Variants in HYDIN observed in about 807,000 individuals in gnomAD.
HYDIN encodes HYDIN axonemal central pair apparatus protein, also known as axonemal central pair apparatus protein HYDIN.
HYDIN carries 132 observed loss-of-function variants against 403.9 expected under a neutral mutation model. The observed-to-expected ratio is 0.33, with a 90% confidence interval of 0.28 to 0.38. The LOEUF (loss-of-function observed/expected upper bound fraction) is 0.38, where lower values mean the gene tolerates loss of function less well. HYDIN is among the 10% of genes least tolerant of loss of function. The pLI is 1.00. For missense variants in HYDIN, 2,827 were observed against 5,009.5 expected (o/e 0.56, Z 13.15); for synonymous variants, 1,202 against 1,891.7 (o/e 0.64, Z 9.46).
At chr16:70,839,927 T>A in intron 76 of HYDIN, 137 bp downstream of exon 76, 2 of 571,688 alleles carry the variant, frequency 3.5e-6, no homozygotes, top group South Asian at 4.0e-5. Flanking sequence ...GGACCTAGGA[T>A]TCATACCCAC....
intron 18 of HYDIN, among the ~76,000 whole-genome samples, chr16:71,047,860 G>T (rs570631187): frequency 1.3e-5 from 2 of 151,902 alleles, no homozygotes; most frequent in Non-Finnish European, 2.9e-5. Flanking sequence ...CAACATTCAC[G>T]TTCTAGCTAT....
intron 8 of HYDIN, 30 bp downstream of exon 8, chr16:71,137,121 T>G (rs2084955327): frequency 1.5e-6 from 1 of 676,938 alleles, no homozygotes; most frequent in Non-Finnish European, 2.6e-6. Context: ...CCCTCCAAAT[T>G]ACTGCATATA....
chr16:70,896,116 G>C, intron 53 of HYDIN, 36 bp from the exon 54 acceptor site: 2 of 1,610,820 alleles, frequency 1.2e-6, no homozygotes, highest in Non-Finnish European at 1.7e-6. Flanking sequence ...GTAAAAGCAA[G>C]ACCTATAGGT....
chr16:70,971,605 C>T (rs1001515049), intron 35 of HYDIN, among the ~76,000 whole-genome samples: 10 of 152,040 alleles, frequency 6.6e-5, no homozygotes, highest in South Asian at 2.1e-4. Flanking sequence ...GAGGAAATTA[C>T]GCAAATCACA....
chr16:71,184,043 CAG>C (rs2087021685), intron 3 of HYDIN, among the ~76,000 whole-genome samples: 1 of 152,006 alleles, frequency 6.6e-6, no homozygotes, highest in African/African-American at 2.4e-5. Flanking sequence ...TTGTGGGAAA[CAG>C]ACAAAACAAT....
chr16:71,213,948 A>C (rs2088733478), intron 1 of HYDIN, among the ~76,000 whole-genome samples: 1 of 152,126 alleles, frequency 6.6e-6, no homozygotes, highest in Non-Finnish European at 1.5e-5. Context: ...CTAATGCTGG[A>C]AGACAAAAAA....
chr16:71,102,983 G>A (rs2083501637), intron 10 of HYDIN, among the ~76,000 whole-genome samples: 2 of 150,846 alleles, frequency 1.3e-5, no homozygotes, highest in African/African-American at 4.9e-5. Flanking sequence ...CATTATAGAG[G>A]TAATTTGAAT....
rs147829817 is a variant in HYDIN at position 71,085,783 on chromosome 16, T to C, written c.1670+2518A>G. On this transcript the variant is annotated intron_variant, in intron 12 of 85. Transcript: ENST00000393567. ...ATAACATAGACTCTCCAGCTTTCTT[T>C]TGGTACTGTTTGCATGGTGTATATA... is the stretch of plus-strand genomic sequence containing the variant. 2.3e-3 allele frequency among the ~76,000 whole-genome samples: 348 copies of C among 152,356 alleles called. 3 individuals are homozygous for C. The highest frequency in any genetic ancestry group is 7.8e-3 in the African/African-American group (323 of 41,588).
intron 84 of HYDIN, among the ~76,000 whole-genome samples, chr16:70,813,946 G>A: frequency 6.6e-6 from 1 of 152,230 alleles, no homozygotes; most frequent in African/African-American, 2.4e-5. Flanking sequence ...TGATATCATA[G>A]AAAAGCTAGA....
intron 55 of HYDIN, 58 bp downstream of exon 55, chr16:70,894,391 C>G: frequency 1.2e-5 from 19 of 1,609,076 alleles, no homozygotes; most frequent in Non-Finnish European, 1.5e-5. Context: ...CTCATATTTC[C>G]CCACATTCCT....
intron 23 of HYDIN, among the ~76,000 whole-genome samples, chr16:71,010,125 C>G (rs1177610633): frequency 2.2e-5 from 3 of 136,076 alleles, no homozygotes; most frequent in Non-Finnish European, 4.7e-5. Flanking sequence ...AGAAAGGGGG[C>G]TGAGGGGGCA....
rs776868016 is a variant in HYDIN at position 70,884,091 on chromosome 16, G to C, written c.9808C>G (p.Pro3270Ala). The change falls in exon 59 of 86, where the codon CCT (proline) becomes GCT (alanine). Residue 3270 changes from proline (P) to alanine (A), a missense_variant. Pro to Ala is a conservative substitution (Grantham distance 27). Transcript: ENST00000393567. ...RFAHGMFTVYPGFGSIPSGGQ... is the reference protein window; with the variant it reads ...RFAHGMFTVYAGFGSIPSGGQ... ...CCGGAAGGAATGGAGCCAAACCCAG[G>C]GTACACGGTGAACATGCCATGGGCG... The C allele has an allele frequency of 1.9e-6, 3 of 1,606,570 alleles. No individual in the cohort carries two copies. The highest frequency in any genetic ancestry group is 1.1e-5 in the South Asian group (1 of 89,784).
intron 75 of HYDIN, 115 bp from the exon 76 acceptor site, chr16:70,840,348 G>C (rs2037733376): frequency 1.2e-6 from 1 of 851,002 alleles, no homozygotes; most frequent in Non-Finnish European, 1.8e-6. Flanking sequence ...CAGGTCTCAG[G>C]GTGCCATTTC....
intron 23 of HYDIN, among the ~76,000 whole-genome samples, chr16:70,997,149 G>A (rs1164476874): frequency 1.9e-4 from 29 of 149,760 alleles, no homozygotes; most frequent in Non-Finnish European, 3.6e-4. Flanking sequence ...ATCTAATGCC[G>A]CTGGATACCT....
In HYDIN at chr16:70,832,860, A is replaced by T; in HGVS notation, c.13887T>A (p.Pro4629=). Residue 4629 remains proline (P), a synonymous_variant, in exon 80 of 86, where the codon CCT becomes CCA. Transcript: ENST00000393567. ...LTLSGVCVGP[P]AVKEVVNFTC... is the part of the protein sequence containing the mutation. Reference sequence around the variant, plus strand: ...AGCAGCTACTAACCTCTTTTACCGCAGGTGGTCCCACGCAGACTCCAGACA... The same window carrying T: ...AGCAGCTACTAACCTCTTTTACCGCTGGTGGTCCCACGCAGACTCCAGACA... 2 of 1,605,636 alleles carry T rather than the reference A, an allele frequency of 1.2e-6. No individual in the cohort carries two copies. The highest frequency in any genetic ancestry group is 1.7e-6 in the Non-Finnish European group (2 of 1,174,360).
rs374273004 is a variant in HYDIN at position 70,846,347 on chromosome 16, C to T, written c.12873+3379G>A. ...GTTGTTCAGTTTCCATGTAGTTGAGCGGCTTTGAGTGAGATTCTTAATCCT... is the reference window on the plus strand; with the variant it reads ...GTTGTTCAGTTTCCATGTAGTTGAGTGGCTTTGAGTGAGATTCTTAATCCT... On this transcript the variant is annotated intron_variant, in intron 75 of 85. Transcript: ENST00000393567. Among the ~76,000 whole-genome samples, 80 of 150,980 alleles carry T rather than the reference C, an allele frequency of 5.3e-4. No individual in the cohort carries two copies. In the East Asian group the frequency reaches 0.011, roughly 22 times the overall value.
At chr16:70,951,725 T>A (rs927706933) in intron 41 of HYDIN, among the ~76,000 whole-genome samples, 1 of 149,030 alleles carries the variant, frequency 6.7e-6, no homozygotes, top group African/African-American at 2.5e-5. Flanking sequence ...GACCTGCTTC[T>A]ACTTCTTTTC....
chr16:70,944,039 C>T, intron 41 of HYDIN, 90 bp from the exon 42 acceptor site: 1 of 958,024 alleles, frequency 1.0e-6, no homozygotes, highest in African/African-American at 1.6e-5. Context: ...TTGGGAAGAT[C>T]ACATAATCTG....
At chr16:71,053,530 C>T (rs1476177122) in intron 18 of HYDIN, among the ~76,000 whole-genome samples, 2 of 151,770 alleles carry the variant, frequency 1.3e-5, no homozygotes, top group African/African-American at 2.4e-5. Context: ...ATGTTGTAAA[C>T]GTAATTTTGA....
Sources: gnomAD v4.1 joint callset for allele counts (sites outside exome capture counted in the v4.1 genomes callset) on GRCh38, gnomAD v4.1.1 for gene constraint, MANE v1.5 for transcripts, NCBI Gene and HGNC (gene_info 2026-07-23, HGNC 2026-07-21) for gene names.